Variants in SLIT1 observed in about 807,000 individuals in gnomAD.
SLIT1 encodes slit guidance ligand 1, also known as slit homolog 1 protein.
SLIT1 carries 66 observed loss-of-function variants against 186.1 expected under a neutral mutation model. The observed-to-expected ratio is 0.35, with a 90% CI of 0.29 to 0.44. The LOEUF (loss-of-function observed/expected upper bound fraction) is 0.44, where lower values mean the gene tolerates loss of function less well. SLIT1 is among the 20% of genes least tolerant of loss of function. The probability of loss-of-function intolerance (pLI) is 1.00; values close to 1 mark genes in which losing one functional copy is unlikely to be tolerated. For missense variants in SLIT1, 1,638 were observed against 2,037.4 expected, an observed-to-expected ratio of 0.80 and a Z score of 3.77; for synonymous variants, 761 against 833.8, an observed-to-expected ratio of 0.91 and a Z score of 1.50.
chr10:97,166,569 GA>G (rs1850114993), intron 1 of SLIT1, among the ~76,000 whole-genome samples: 6 of 58,912 alleles, frequency 1.0e-4, no homozygotes, highest in African/African-American at 2.8e-4. Flanking sequence ...GAGAGAGAGA[GA>G]GAAAGAAAGA....
At chr10:97,075,774 C>A (rs759982017) in intron 4 of SLIT1, among the ~76,000 whole-genome samples, 1 of 152,176 alleles carries the variant, frequency 6.6e-6, no homozygotes. Flanking sequence ...AGTCAGGATC[C>A]CTCAGTGTCT....
intron 1 of SLIT1, among the ~76,000 whole-genome samples, chr10:97,180,226 C>T (rs935791025): frequency 7.9e-5 from 12 of 152,242 alleles, no homozygotes; most frequent in African/African-American, 2.7e-4. Context: ...TTCTCTGTCA[C>T]CTTAATAACA....
At chr10:97,089,643 G>C (rs1469073141) in intron 4 of SLIT1, among the ~76,000 whole-genome samples, 1 of 152,140 alleles carries the variant, frequency 6.6e-6, no homozygotes, top group Non-Finnish European at 1.5e-5. Flanking sequence ...CTGTGAGGCG[G>C]TGGAAGGTGT....
At chr10:97,120,562 A>G (rs753821275) in intron 4 of SLIT1, among the ~76,000 whole-genome samples, 14 of 152,222 alleles carry the variant, frequency 9.2e-5, no homozygotes, top group Non-Finnish European at 1.5e-5. Context: ...CACCGTGTGC[A>G]CGGGCGGCTC....
At chr10:97,025,775 C>T (rs1294295257) in intron 25 of SLIT1, among the ~76,000 whole-genome samples, 1 of 152,204 alleles carries the variant, frequency 6.6e-6, no homozygotes, top group Non-Finnish European at 1.5e-5. Flanking sequence ...TCTGTTCATG[C>T]CAAGGCCCTA....
At chr10:97,171,842 C>A (rs1474615215) in intron 1 of SLIT1, among the ~76,000 whole-genome samples, 2 of 151,826 alleles carry the variant, frequency 1.3e-5, no homozygotes, top group African/African-American at 4.8e-5. Flanking sequence ...ATCTCCTTAC[C>A]ATGAACTACA....
intron 4 of SLIT1, among the ~76,000 whole-genome samples, chr10:97,111,145 G>A (rs998331361): frequency 2.6e-5 from 4 of 151,580 alleles, no homozygotes; most frequent in Non-Finnish European, 4.4e-5. Flanking sequence ...AGCTGGGGTC[G>A]CACTACTGCA....
At chr10:97,148,477 C>CGGGGTATTG (rs59128793) in intron 4 of SLIT1, among the ~76,000 whole-genome samples, 1 of 151,406 alleles carries the variant, frequency 6.6e-6, no homozygotes, top group African/African-American at 2.4e-5. Context: ...TTTTGTAGAG[C>CGGGGTATTG]CTATGCTGCC....
chr10:97,145,717 C>T (rs1158516381), intron 4 of SLIT1, among the ~76,000 whole-genome samples: 2 of 152,046 alleles, frequency 1.3e-5, no homozygotes, highest in Non-Finnish European at 2.9e-5. Context: ...TCCCTTTATC[C>T]CCCTCTCTCT....
chr10:97,013,908 A>C, intron 29 of SLIT1, 74 bp from the exon 30 acceptor site: 2 of 1,547,258 alleles, frequency 1.3e-6, no homozygotes, highest in Non-Finnish European at 1.8e-6. Context: ...GACCCACAGA[A>C]ATCCTCCTGC....
At chr10:97,029,686 A>T (rs1489204990) in intron 25 of SLIT1, among the ~76,000 whole-genome samples, 1 of 152,228 alleles carries the variant, frequency 6.6e-6, no homozygotes, top group Non-Finnish European at 1.5e-5. Context: ...ATTCAGTCAC[A>T]TTGATTGTAT....
chr10:97,011,581 C>A (rs1848411145), intron 30 of SLIT1, among the ~76,000 whole-genome samples: 1 of 152,202 alleles, frequency 6.6e-6, no homozygotes. Flanking sequence ...GCCTCCCAGT[C>A]CTCAGCAGGG....
intron 4 of SLIT1, among the ~76,000 whole-genome samples, chr10:97,141,766 T>C (rs908773086): frequency 5.4e-5 from 8 of 148,524 alleles, no homozygotes; most frequent in Admixed American, 1.3e-4. Flanking sequence ...CGTATCGTAT[T>C]GTATCGTACT....
chr10:97,128,563 G>T (rs1259417854), intron 4 of SLIT1, among the ~76,000 whole-genome samples: 1 of 152,188 alleles, frequency 6.6e-6, no homozygotes, highest in Non-Finnish European at 1.5e-5. Context: ...GGCCCCTCCT[G>T]CCCTGATGCC....
At chr10:97,071,250 G>A (rs1055264433) in intron 4 of SLIT1, among the ~76,000 whole-genome samples, 1 of 152,156 alleles carries the variant, frequency 6.6e-6, no homozygotes, top group African/African-American at 2.4e-5. Flanking sequence ...CTGACCCACA[G>A]GGACTCAGGG....
chr10:97,069,660 A>C (rs1848984429), intron 4 of SLIT1, among the ~76,000 whole-genome samples: 1 of 152,176 alleles, frequency 6.6e-6, no homozygotes, highest in African/African-American at 2.4e-5. Flanking sequence ...AGGGTGTTCT[A>C]AGCAGCGGTA....
intron 1 of SLIT1, among the ~76,000 whole-genome samples, chr10:97,165,912 A>G (rs1246910661): frequency 6.6e-6 from 1 of 151,942 alleles, no homozygotes; most frequent in African/African-American, 2.4e-5. Flanking sequence ...CAGCCTCACC[A>G]AGGCAGACCA....
intron 4 of SLIT1, among the ~76,000 whole-genome samples, chr10:97,099,742 G>T (rs1367708886): frequency 6.6e-6 from 1 of 152,186 alleles, no homozygotes; most frequent in African/African-American, 2.4e-5. Context: ...GAAGGAGAGG[G>T]AAGCTATGGT....
intron 30 of SLIT1, among the ~76,000 whole-genome samples, chr10:97,011,736 C>T (rs1848412485): frequency 6.6e-6 from 1 of 152,160 alleles, no homozygotes. Flanking sequence ...TCCTGTAGCC[C>T]TTTCTAGTAA....
Sources: allele counts gnomAD v4.1 joint callset (sites outside exome capture counted in the v4.1 genomes callset), GRCh38; gene constraint gnomAD v4.1.1; transcripts MANE v1.5; gene names NCBI Gene and HGNC (gene_info 2026-07-23, HGNC 2026-07-21).